MYT1L: variants seen among roughly 807,000 people sequenced by gnomAD.
The protein encoded by MYT1L is myelin transcription factor 1 like.
In MYT1L, 12 loss-of-function variants were observed where a neutral mutation model predicts 126.7. The observed-to-expected ratio is 0.09, with a 90% CI of 0.06 to 0.15. MYT1L has a LOEUF of 0.15. Ranked by LOEUF, MYT1L falls within the 10% of genes least tolerant of loss-of-function variation. The pLI is 1.00. For synonymous variants in MYT1L, 541 were observed against 604.2 expected, an observed-to-expected ratio of 0.90 and a Z score of 1.53; for missense variants, 979 against 1,585.2, an observed-to-expected ratio of 0.62 and a Z score of 6.49.
chr2:2,285,600 T>G (rs527346951), intron 1 of MYT1L, among the ~76,000 whole-genome samples: 3 of 152,244 alleles, frequency 2.0e-5, no homozygotes, highest in Non-Finnish European at 4.4e-5. Flanking sequence ...CTCCCCTTTC[T>G]GGGTCTTCCC....
intron 4 of MYT1L, among the ~76,000 whole-genome samples, chr2:2,034,123 A>C (rs1236023937): frequency 3.3e-5 from 5 of 152,186 alleles, no homozygotes; most frequent in African/African-American, 1.2e-4. Context: ...TTGATTAAGA[A>C]GCTGGTTAGT....
intron 5 of MYT1L, among the ~76,000 whole-genome samples, chr2:1,995,725 G>A (rs748572878): frequency 1.3e-5 from 2 of 152,152 alleles, no homozygotes; most frequent in Admixed American, 1.3e-4. Flanking sequence ...AGCTGATGCC[G>A]AAATCCCCGT....
At chr2:2,325,964 A>G (rs2096241726) in intron 1 of MYT1L, 1 of 152,288 alleles carries the variant, frequency 6.6e-6, no homozygotes, top group African/African-American at 2.4e-5. Context: ...AAGAACTGGG[A>G]GCTGCAACCA....
chr2:1,987,456 C>T (rs1451135573), intron 5 of MYT1L, among the ~76,000 whole-genome samples: 1 of 151,978 alleles, frequency 6.6e-6, no homozygotes, highest in Non-Finnish European at 1.5e-5. Context: ...CCAGTGTTCC[C>T]ATGGGAGGGG....
At chr2:2,222,401 A>G (rs1161817354) in intron 2 of MYT1L, among the ~76,000 whole-genome samples, 1 of 95,646 alleles carries the variant, frequency 1.0e-5, no homozygotes, top group Non-Finnish European at 2.2e-5. Flanking sequence ...CTGAGGCAGG[A>G]GAATCACTTG....
intron 2 of MYT1L, among the ~76,000 whole-genome samples, chr2:2,178,774 T>C (rs778340541): frequency 2.6e-5 from 4 of 152,146 alleles, no homozygotes; most frequent in Non-Finnish European, 5.9e-5. Flanking sequence ...GATTTGGTCA[T>C]TGAAGTCCAG....
At chr2:1,975,947 G>A (rs1240605371) in intron 8 of MYT1L, among the ~76,000 whole-genome samples, 2 of 152,034 alleles carry the variant, frequency 1.3e-5, no homozygotes, top group African/African-American at 4.8e-5. Flanking sequence ...TTTTTACATT[G>A]CTGATGCCCT....
intron 4 of MYT1L, among the ~76,000 whole-genome samples, chr2:2,037,443 A>AT (rs60232195): frequency 0.089 from 12,683 of 142,504 alleles, 544 homozygotes; most frequent in South Asian, 0.12. Flanking sequence ...GATTCAGTTG[A>AT]TTTTTTTTTT....
chr2:1,861,997 A>ATCTGCCTGCAGCCTCTGT (rs1558192114), intron 18 of MYT1L, among the ~76,000 whole-genome samples: 1 of 151,370 alleles, frequency 6.6e-6, no homozygotes, highest in African/African-American at 2.4e-5. Context: ...GTAATCCTGG[A>ATCTGCCTGCAGCCTCTGT]ATTCGCTGAG....
At chr2:2,159,563 C>T (rs2087463734) in intron 3 of MYT1L, among the ~76,000 whole-genome samples, 1 of 152,056 alleles carries the variant, frequency 6.6e-6, no homozygotes. Flanking sequence ...CCAGCACCCT[C>T]TTCACCCACA....
chr2:2,115,571 A>G (rs1012549265), intron 3 of MYT1L, among the ~76,000 whole-genome samples: 4 of 152,228 alleles, frequency 2.6e-5, no homozygotes, highest in Non-Finnish European at 5.9e-5. Flanking sequence ...ACTTAAACTA[A>G]AAAGGTCAAA....
At chr2:1,983,933 T>C (rs1225407247) in intron 5 of MYT1L, among the ~76,000 whole-genome samples, 1 of 152,212 alleles carries the variant, frequency 6.6e-6, no homozygotes, top group Non-Finnish European at 1.5e-5. Context: ...GCAGTAATTC[T>C]TTTTATTTTG....
At chr2:2,274,818 T>C (rs1393211589) in intron 2 of MYT1L, among the ~76,000 whole-genome samples, 1 of 152,142 alleles carries the variant, frequency 6.6e-6, no homozygotes, top group African/African-American at 2.4e-5. Context: ...GAAGTGGTGA[T>C]GAAGGCCTCC....
chr2:1,916,346 A>T (rs1192649103), intron 11 of MYT1L, among the ~76,000 whole-genome samples: 1 of 152,204 alleles, frequency 6.6e-6, no homozygotes, highest in Non-Finnish European at 1.5e-5. Flanking sequence ...CTCTCAAGCC[A>T]TGTTATGACA....
chr2:2,072,924 T>C (rs752338532), intron 3 of MYT1L, among the ~76,000 whole-genome samples: 9 of 152,110 alleles, frequency 5.9e-5, no homozygotes, highest in Non-Finnish European at 1.3e-4. Context: ...CAGTCTCAGG[T>C]AGTGTGAAAA....
intron 18 of MYT1L, chr2:1,885,348 A>C (rs2048042022): frequency 6.5e-6 from 1 of 152,692 alleles, no homozygotes; most frequent in Non-Finnish European, 1.5e-5. Context: ...GAGGCTACAG[A>C]CTTTACAGCC....
chr2:2,132,591 G>T (rs1040053052), intron 3 of MYT1L, among the ~76,000 whole-genome samples: 9 of 149,986 alleles, frequency 6.0e-5, no homozygotes, highest in African/African-American at 2.2e-4. Flanking sequence ...GGGGCAAGGG[G>T]AGGGAGAGCG....
At chr2:2,144,084 A>G (rs901609497) in intron 3 of MYT1L, among the ~76,000 whole-genome samples, 7 of 152,084 alleles carry the variant, frequency 4.6e-5, no homozygotes, top group Non-Finnish European at 8.8e-5. Flanking sequence ...CTGCACATGT[A>G]CCCCCTAAAA....
chr2:1,991,060 T>C (rs1365264923), intron 5 of MYT1L, among the ~76,000 whole-genome samples: 1 of 152,200 alleles, frequency 6.6e-6, no homozygotes, highest in Non-Finnish European at 1.5e-5. Context: ...GCAAGCTTGC[T>C]GTTCTCTTTA....
Sources: gnomAD v4.1 joint callset for allele counts (sites outside exome capture counted in the v4.1 genomes callset) on GRCh38, gnomAD v4.1.1 for gene constraint, MANE v1.5 for transcripts, NCBI Gene and HGNC (gene_info 2026-07-23, HGNC 2026-07-21) for gene names.